SOD2: variants seen among roughly 807,000 people sequenced by gnomAD.
SOD2 encodes superoxide dismutase 2.
A neutral mutation model predicts 27.0 loss-of-function variants in SOD2; 11 were observed. The ratio of observed to expected loss-of-function variants is 0.41; its 90% CI spans 0.26 to 0.67. The LOEUF (loss-of-function observed/expected upper bound fraction) is 0.67, where lower values mean the gene tolerates loss of function less well. Ranked by LOEUF, SOD2 falls within the 30% of genes least tolerant of loss-of-function variation. The pLI is 0.34. For synonymous variants in SOD2, 105 were observed against 103.0 expected, an observed-to-expected ratio of 1.02 and a Z score of -0.12; for missense variants, 250 against 274.5, an observed-to-expected ratio of 0.91 and a Z score of 0.63.
rs1445795992 is a variant in SOD2, at chr6:159,693,237, C to G, written c.-70G>C. 7.0e-7 allele frequency: 1 copy of G among 1,422,382 alleles called. No individual in the cohort carries two copies. Among genetic ancestry groups the G allele is most frequent in the Non-Finnish European group, 9.5e-7 (1 of 1,051,516 alleles). 88.1% of individuals were successfully genotyped at this position (1,422,382 alleles called of 1,614,324 possible). A position where few individuals can be genotyped will look rare whatever the true frequency, so the allele number is the denominator to read the frequency against. On this transcript the variant is annotated 5_prime_UTR_variant, in exon 1 of 5. Coordinates refer to ENST00000538183, the MANE Select transcript of SOD2 (RefSeq NM_000636.4). The stretch of plus-strand genomic sequence containing the variant: ...GCCGCTGCCGAAGCCACCACAGCCA[C>G]GAGTGCCGCTCCTGCGCCGCCCGCG...
At chr6:159,751,220 ACTAT>A (rs1369475838) in intron 1 of SOD2, among the ~76,000 whole-genome samples, 7 of 152,222 alleles carry the variant, frequency 4.6e-5, no homozygotes, top group African/African-American at 1.7e-4. Flanking sequence ...ACGTGATATG[ACTAT>A]CTTAGCTTAG....
At position 159,726,779 on chromosome 6, in the gene SOD2, C is replaced by T. The variant is rs1289056475; in HGVS notation, c.-116+350G>A. 3 of 1,288,902 alleles carry T rather than the reference C, an allele frequency of 2.3e-6. No individual in the cohort carries two copies. In the East Asian group the frequency reaches 1.7e-4, roughly 72 times the overall value. 79.8% of individuals were successfully genotyped at this position (1,288,902 alleles called of 1,614,324 possible). ...TCCAGAGATGTCAAGGAGGAACGAA[C>T]CCAGCGGCCAGGAGACTGCGCCTCA... On this transcript the variant is annotated intron_variant, in intron 1 of 2. Transcript: ENST00000401980.
chr6:159,749,113 G>C, upstream of SOD2: 1 of 986,360 alleles, frequency 1.0e-6, no homozygotes, highest in Non-Finnish European at 1.2e-6. Flanking sequence ...TTCTTTGAAT[G>C]GTTGCAAAAA....
chr6:159,710,950 A>AGCTGCTCTGACCTCCATAACCGCCTC (rs1777733584), intron 1 of SOD2, among the ~76,000 whole-genome samples: 1 of 117,800 alleles, frequency 8.5e-6, no homozygotes, highest in Admixed American at 8.5e-5. Context: ...ACCACCACTC[A>AGCTGCTCTGACCTCCATAACCGCCTC]CACTGCTCTG....
At chr6:159,716,351 C>T (rs538231219) in intron 1 of SOD2, among the ~76,000 whole-genome samples, 17 of 152,306 alleles carry the variant, frequency 1.1e-4, no homozygotes, top group Admixed American at 6.5e-4. Context: ...TTCCCAGCAG[C>T]CTGCTTTCAT....
chr6:159,749,710 G>A (rs1583103923), upstream of SOD2, among the ~76,000 whole-genome samples: 2 of 152,178 alleles, frequency 1.3e-5, no homozygotes, highest in South Asian at 4.1e-4. Flanking sequence ...AAGATAATGT[G>A]TTGGAACTGT....
At chr6:159,708,021 A>G (rs922622770) in intron 1 of SOD2, among the ~76,000 whole-genome samples, 1 of 152,252 alleles carries the variant, frequency 6.6e-6, no homozygotes, top group African/African-American at 2.4e-5. Context: ...CAAAAACCAC[A>G]TGATTATCTC....
At chr6:159,755,344 G>A in intron 1 of SOD2, 2 of 1,614,230 alleles carry the variant, frequency 1.2e-6, no homozygotes, top group Non-Finnish European at 8.5e-7. Flanking sequence ...CTTCTCCAGG[G>A]AATGGTAATA....
upstream of SOD2, chr6:159,730,745 A>G (rs1417713551): frequency 2.6e-5 from 4 of 152,208 alleles, no homozygotes; most frequent in Non-Finnish European, 5.9e-5. Context: ...GTGATCTTAA[A>G]AGTGACTCTG....
chr6:159,702,544 C>G (rs1777540557), intron 1 of SOD2, among the ~76,000 whole-genome samples: 1 of 150,980 alleles, frequency 6.6e-6, no homozygotes, highest in African/African-American at 2.4e-5. Flanking sequence ...ATCTGCCCAC[C>G]TCCGCGGCCT....
upstream of SOD2, among the ~76,000 whole-genome samples, chr6:159,697,956 A>G (rs983327197): frequency 6.6e-6 from 1 of 152,170 alleles, no homozygotes; most frequent in African/African-American, 2.4e-5. Flanking sequence ...CCTGGCCAAC[A>G]TGGTGAAACC....
At chr6:159,695,414 A>G (rs1038117635), upstream of SOD2, among the ~76,000 whole-genome samples, 1 of 152,226 alleles carries the variant, frequency 6.6e-6, no homozygotes, top group Non-Finnish European at 1.5e-5. Context: ...CATCAGCTAC[A>G]TCATTACAAA....
At chr6:159,698,394 C>G (rs1470980306) in intron 1 of SOD2, among the ~76,000 whole-genome samples, 1 of 150,546 alleles carries the variant, frequency 6.6e-6, no homozygotes, top group Non-Finnish European at 1.5e-5. Flanking sequence ...GGGAACAGAG[C>G]GAGACTCCAT....
At chr6:159,727,040 G>T in intron 1 of SOD2, 1 of 1,226,386 alleles carries the variant, frequency 8.2e-7, no homozygotes, top group South Asian at 1.4e-5. Context: ...GGTGGCCCCG[G>T]CGAGTACTTC....
chr6:159,719,412 C>T (rs1777986405), intron 1 of SOD2, among the ~76,000 whole-genome samples: 1 of 151,928 alleles, frequency 6.6e-6, no homozygotes, highest in Non-Finnish European at 1.5e-5. Context: ...CCTGTAATCC[C>T]AGCTACTCAG....
At chr6:159,703,307 G>T (rs1482040370) in intron 1 of SOD2, among the ~76,000 whole-genome samples, 1 of 152,118 alleles carries the variant, frequency 6.6e-6, no homozygotes, top group Non-Finnish European at 1.5e-5. Context: ...AGAGTGAAGG[G>T]CTTCTGTTTT....
In SOD2 at chr6:159,678,943, T is replaced by C. The variant is rs988975991; in HGVS notation, c.*3550A>G. The stretch of plus-strand genomic sequence containing the variant: ...TCGTATATCCCTAATACTATGCTTT[T>C]AGGTTATCAGATGATGTTATTACAG... On this transcript the variant is annotated 3_prime_UTR_variant, in exon 5 of 5. Coordinates refer to ENST00000538183, the MANE Select transcript of SOD2 (RefSeq NM_000636.4). 6.6e-6 allele frequency: 1 copy of C among 152,226 alleles called. No homozygotes were observed. Among genetic ancestry groups the C allele is most frequent in the Admixed American group, 6.5e-5 (1 of 15,276 alleles). 9.4% of individuals were successfully genotyped at this position (152,226 alleles called of 1,614,324 possible).
intron 1 of SOD2, chr6:159,755,764 TC>T (rs372531850): frequency 5.2e-4 from 353 of 674,638 alleles, no homozygotes; most frequent in Middle Eastern, 1.2e-3. Context: ...TTTTTTCTTT[TC>T]TTTTTTTTTT....
chr6:159,726,839 T>C (rs1778191288), intron 1 of SOD2: 1 of 1,289,030 alleles, frequency 7.8e-7, no homozygotes, highest in Admixed American at 2.3e-5. Flanking sequence ...GTTTCTAAGT[T>C]CTCAAAACTT....
Sources: allele counts gnomAD v4.1 joint callset (sites outside exome capture counted in the v4.1 genomes callset), GRCh38; gene constraint gnomAD v4.1.1; transcripts MANE v1.5; gene names NCBI Gene and HGNC (gene_info 2026-07-23, HGNC 2026-07-21).